LRP5: variants seen among roughly 807,000 people sequenced by gnomAD.
LRP5 encodes LDL receptor related protein 5, also known as low-density lipoprotein receptor-related protein 5.
A neutral mutation model predicts 154.1 loss-of-function variants in LRP5; 62 were observed. That is an observed-to-expected ratio of 0.40 (90% CI 0.33 to 0.50). LRP5 has a LOEUF of 0.50. LRP5 is among the 20% of genes least tolerant of loss of function. The pLI, the probability that LRP5 is intolerant of heterozygous loss-of-function variation, is 0.55. For missense variants in LRP5, 1,915 were observed against 2,336.7 expected, an observed-to-expected ratio of 0.82 and a Z score of 3.72; for synonymous variants, 966 against 1,011.5, an observed-to-expected ratio of 0.96 and a Z score of 0.85.
intron 14 of LRP5, among the ~76,000 whole-genome samples, chr11:68,424,725 C>T (rs1374207517): frequency 6.6e-6 from 1 of 152,216 alleles, no homozygotes; most frequent in Non-Finnish European, 1.5e-5. Flanking sequence ...CTTTGGGCTT[C>T]TGGTGGCTCC....
At position 68,398,700 on chromosome 11, in the gene LRP5, CA is replaced by C. The variant is rs547295292; in HGVS notation, c.1585-4771del. Among the ~76,000 whole-genome samples, 690 of 140,272 alleles carry C rather than the reference CA, an allele frequency of 4.9e-3. 4 individuals carry two copies. Among genetic ancestry groups the C allele is most frequent in the African/African-American group, 0.012 (478 of 38,392 alleles). 92.0% of individuals were successfully genotyped at this position (140,272 alleles called of 152,430 possible). On this transcript the variant is annotated intron_variant, in intron 7 of 22. Coordinates refer to ENST00000294304, the MANE Select transcript of LRP5 (RefSeq NM_002335.4). Reference sequence around the variant, plus strand: ...TGACCCATGAAAATTATATGGAATTCAAAAAAAAAAAATTATATGGAATTCA... The same window carrying C: ...TGACCCATGAAAATTATATGGAATTCAAAAAAAAAAATTATATGGAATTCA...
chr11:68,348,430 G>T (rs2508840), intron 2 of LRP5, among the ~76,000 whole-genome samples, 187 bp downstream of exon 2: 17 of 131,074 alleles, frequency 1.3e-4, no homozygotes, highest in African/African-American at 4.5e-4. Flanking sequence ...ACCCGTGGGG[G>T]TGTTGGCTCA....
chr11:68,371,799 C>T (rs1055794607), intron 5 of LRP5, among the ~76,000 whole-genome samples: 1 of 152,248 alleles, frequency 6.6e-6, no homozygotes. Context: ...AGGCCTCGTG[C>T]AGGGCACCTC....
rs199677646 is a variant in LRP5 at position 68,348,275 on chromosome 11, G to C, written c.488+32G>C. On this transcript the variant is annotated intron_variant, in intron 2 of 22. Transcript: ENST00000294304. ...CCTGCTGCGACTCCACCTGGGTCCA[G>C]GGGGCGGGGAGTGTCACCATCTCTC... 1.2e-5 allele frequency: 19 copies of C among 1,600,434 alleles called. No individual in the cohort carries two copies. In the Admixed American group the frequency reaches 1.7e-4, roughly 14 times the overall value.
At chr11:68,384,252 C>A (rs1472381999) in intron 5 of LRP5, among the ~76,000 whole-genome samples, 3 of 152,224 alleles carry the variant, frequency 2.0e-5, no homozygotes, top group Non-Finnish European at 4.4e-5. Context: ...AGAGCCAGAG[C>A]CTGGGCACAG....
intron 7 of LRP5, among the ~76,000 whole-genome samples, chr11:68,398,242 G>T (rs1045298099): frequency 6.6e-6 from 1 of 152,166 alleles, no homozygotes; most frequent in African/African-American, 2.4e-5. Context: ...CACAGCAGGC[G>T]ACTGTCCAGA....
At chr11:68,371,458 T>C (rs2098633958) in intron 5 of LRP5, among the ~76,000 whole-genome samples, 1 of 152,210 alleles carries the variant, frequency 6.6e-6, no homozygotes, top group African/African-American at 2.4e-5. Context: ...CCTGGGGCTT[T>C]AGTATCCAAA....
intron 1 of LRP5, among the ~76,000 whole-genome samples, chr11:68,341,059 C>CTTTTTTTCTTTTTTTTTTTTT (rs2098608768): frequency 2.4e-5 from 2 of 83,490 alleles, no homozygotes; most frequent in Non-Finnish European, 4.8e-5. Context: ...GGAGATTGTT[C>CTTTTTTTCTTTTTTTTTTTTT]TTTTTTTTTT....
intron 7 of LRP5, among the ~76,000 whole-genome samples, chr11:68,393,754 C>T (rs1441911573): frequency 2.0e-5 from 3 of 152,148 alleles, no homozygotes; most frequent in Non-Finnish European, 4.4e-5. Context: ...ACACTCCAGC[C>T]TGGGTGACAA....
Position 68,421,370 on chromosome 11 carries a change from C to T in LRP5, c.3028-2119C>T, listed in dbSNP as rs572111690. Among the ~76,000 whole-genome samples, 10 of 152,234 alleles carry T rather than the reference C, an allele frequency of 6.6e-5. No individual in the cohort carries two copies. In the South Asian group the frequency reaches 1.7e-3, roughly 25 times the overall value. On this transcript the variant is annotated intron_variant, in intron 13 of 22. Transcript: ENST00000294304. ...CCAGGGTGTCACGTCACACAGTACA[C>T]GTTTCTCAGATGGTGGTTCTCCAGA...
In LRP5 at chr11:68,423,456, G is replaced by A; in HGVS notation, c.3028-33G>A. 1 of 1,602,970 alleles carries A rather than the reference G, an allele frequency of 6.2e-7. No homozygotes were observed. The highest frequency in any genetic ancestry group is 1.1e-5 in the South Asian group (1 of 90,852). On this transcript the variant is annotated intron_variant, in intron 13 of 22. Coordinates refer to ENST00000294304, the MANE Select transcript of LRP5 (RefSeq NM_002335.4). The surrounding 1 kb of genome is among the most constrained non-coding windows in gnomAD (Gnocchi z 4.7). ...CGCCAGTGCCCAGGGGTCTCCGCCA[G>A]TGCTCAGGAGTCTTGGTTTCTTTGT... is the stretch of plus-strand genomic sequence containing the variant.
At chr11:68,425,395 G>A (rs183589809) in intron 15 of LRP5, 103 bp downstream of exon 15, 83 of 1,195,276 alleles carry the variant, frequency 6.9e-5, no homozygotes, top group Non-Finnish European at 9.2e-5. Context: ...GCCCAGTGCC[G>A]CGCCAGGGGC....
chr11:68,390,047 A>G lies in LRP5; in HGVS notation c.1579A>G (p.Ile527Val). 1 of 1,614,216 alleles carries G rather than the reference A, an allele frequency of 6.2e-7. No individual in the cohort carries two copies. Among genetic ancestry groups the G allele is most frequent in the Non-Finnish European group, 8.5e-7 (1 of 1,180,038 alleles). ...LYWGDAKTDK[I>V]EVINVDGTKR... is the part of the protein sequence containing the mutation. ...CTGGGGAGACGCCAAGACAGACAAG[A>G]TCGAGGTGAGGCTCCTGTGGACATG... Residue 527 changes from isoleucine to valine, a missense_variant, in exon 7 of 23, where the codon ATC becomes GTC. By Grantham distance (29) the Ile-to-Val change is conservative. This residue lies in a region of LRP5 where 773 missense variants were observed against 1,100.9 expected (regional missense o/e 0.70). Transcript: ENST00000294304.
chr11:68,383,191 T>C, intron 5 of LRP5, among the ~76,000 whole-genome samples: 1 of 152,134 alleles, frequency 6.6e-6, no homozygotes, highest in South Asian at 2.1e-4. Flanking sequence ...TTTAGTGATT[T>C]CTTAGGAGGA....
At chr11:68,311,486 G>A (rs2098587811), upstream of LRP5, among the ~76,000 whole-genome samples, 1 of 152,220 alleles carries the variant, frequency 6.6e-6, no homozygotes, top group Non-Finnish European at 1.5e-5. Flanking sequence ...CCCAAACACT[G>A]CAGCACAACG....
chr11:68,330,816 AG>A (rs2098602324), intron 1 of LRP5, among the ~76,000 whole-genome samples: 1 of 152,214 alleles, frequency 6.6e-6, no homozygotes, highest in African/African-American at 2.4e-5. Flanking sequence ...GATGCGCATT[AG>A]CCTTCTTATC....
Position 68,413,523 on chromosome 11 carries a change from T to C in LRP5, c.2504-166T>C, listed in dbSNP as rs1189737020. On this transcript the variant is annotated intron_variant, in intron 11 of 22. Transcript: ENST00000294304. This position sits in a 1 kb window ranked among gnomAD's most constrained non-coding sequence, Gnocchi z 5.1. ...TCACTTAATTTTGCTAGATCCTGCC[T>C]GCGCTTCAGTGGATCTTGCTGGTTT... is the stretch of plus-strand genomic sequence containing the variant. 6.6e-6 allele frequency among the ~76,000 whole-genome samples: 1 copy of C among 152,210 alleles called. No individual in the cohort carries two copies. Among genetic ancestry groups the C allele is most frequent in the African/African-American group, 2.4e-5 (1 of 41,456 alleles).
Position 68,423,652 on chromosome 11 carries a change from G to A in LRP5, c.3191G>A (p.Gly1064Glu), listed in dbSNP as rs779216380. 6.2e-7 allele frequency: 1 copy of A among 1,613,972 alleles called. No individual in the cohort carries two copies. Among genetic ancestry groups the A allele is most frequent in the African/African-American group, 1.3e-5 (1 of 75,056 alleles). The change falls in exon 14 of 23, where the codon GGG becomes GAG. Residue 1064 changes from glycine to glutamate, a missense_variant. Gly to Glu is a moderately conservative substitution (Grantham distance 98). This residue lies in a region of LRP5 where 1,094 missense variants were observed against 1,210.1 expected (regional missense o/e 0.90). Coordinates refer to ENST00000294304, the MANE Select transcript of LRP5 (RefSeq NM_002335.4). The surrounding 1 kb of genome is among the most constrained non-coding windows in gnomAD (Gnocchi z 4.7). ...GAAGCCATGGGGGTGGTGCTGCGTG[G>A]GGACCGCGACAAGCCCAGGGCCATC... Reference protein sequence around the residue: ...SGEAMGVVLRGDRDKPRAIVV... With the variant: ...SGEAMGVVLREDRDKPRAIVV...
chr11:68,363,684 C>G, intron 3 of LRP5, 63 bp from the exon 4 acceptor site: 2 of 1,306,582 alleles, frequency 1.5e-6, no homozygotes, highest in South Asian at 1.2e-5. Context: ...TTAATTGGGT[C>G]AGCAGCAATG....
Sources: allele counts gnomAD v4.1 joint callset (sites outside exome capture counted in the v4.1 genomes callset), GRCh38; gene constraint gnomAD v4.1.1; regional missense constraint gnomAD v4.1.1; non-coding constraint Gnocchi (gnomAD v3.1); transcripts MANE v1.5; gene names NCBI Gene and HGNC (gene_info 2026-07-23, HGNC 2026-07-21).